Variants in SLC36A3 observed in about 807,000 individuals in gnomAD.
SLC36A3 encodes solute carrier family 36 member 3.
In SLC36A3, 35 loss-of-function variants were observed where a neutral mutation model predicts 44.3. That is an observed-to-expected ratio of 0.79 (90% CI 0.60 to 1.05). SLC36A3 has a LOEUF of 1.05. Ranked by LOEUF, SLC36A3 falls within the 50% of genes least tolerant of loss-of-function variation. The probability of loss-of-function intolerance (pLI) is 0.00; values close to 1 mark genes in which losing one functional copy is unlikely to be tolerated. For synonymous variants in SLC36A3, 211 were observed against 227.6 expected, an observed-to-expected ratio of 0.93 and a Z score of 0.66; for missense variants, 540 against 578.7, an observed-to-expected ratio of 0.93 and a Z score of 0.69.
chr5:151,277,386 C>G lies in SLC36A3; in HGVS notation c.*7G>C. ...GAAGGGAGAGCTATTAGAATAAAAACAGATAATTATGCATGGACACCTGTG... is the reference window on the plus strand; with the variant it reads ...GAAGGGAGAGCTATTAGAATAAAAAGAGATAATTATGCATGGACACCTGTG... On this transcript the variant is annotated 3_prime_UTR_variant, in exon 10 of 10. Transcript: ENST00000335230. 6.2e-7 allele frequency: 1 copy of G among 1,613,368 alleles called. No homozygotes were observed. The highest frequency in any genetic ancestry group is 8.5e-7 in the Non-Finnish European group (1 of 1,179,412).
At chr5:151,293,989 G>A (rs1754860383) in intron 3 of SLC36A3, among the ~76,000 whole-genome samples, 1 of 152,228 alleles carries the variant, frequency 6.6e-6, no homozygotes, top group Non-Finnish European at 1.5e-5. Flanking sequence ...AGCAGGCCCT[G>A]CTGCAGAAAC....
chr5:151,287,903 C>G (rs1488502961), intron 5 of SLC36A3, among the ~76,000 whole-genome samples: 1 of 152,166 alleles, frequency 6.6e-6, no homozygotes, highest in Non-Finnish European at 1.5e-5. Flanking sequence ...AATATTCCGT[C>G]TACAATACTT....
At chr5:151,280,916 C>A in intron 9 of SLC36A3, 98 bp downstream of exon 9, 2 of 1,480,488 alleles carry the variant, frequency 1.4e-6, no homozygotes, top group South Asian at 1.2e-5. Context: ...CCCTAGGTCA[C>A]AAAGAAGGCA....
chr5:151,281,097 A>C lies in SLC36A3; in HGVS notation c.1061T>G (p.Ile354Ser). 1 of 1,614,210 alleles carries C rather than the reference A, an allele frequency of 6.2e-7. No homozygotes were observed. Among genetic ancestry groups the C allele is most frequent in the Non-Finnish European group, 8.5e-7 (1 of 1,180,030 alleles). The change falls in exon 9 of 10, where the codon ATC (isoleucine) becomes AGC (serine). Residue 354 changes from isoleucine to serine, a missense_variant. By Grantham distance (142) the Ile-to-Ser change is moderately radical. Transcript: ENST00000335230. ...LQFHVPAEIIIPFAISQVSES... is the reference protein window; with the variant it reads ...LQFHVPAEIISPFAISQVSES... The stretch of plus-strand genomic sequence containing the variant: ...TGACACTTGGGAGATGGCAAACGGG[A>C]TGATGATCTCAGCTGGGACGTGGAA...
intron 2 of SLC36A3, chr5:151,297,139 T>C (rs1754986784): frequency 6.6e-6 from 1 of 152,224 alleles, no homozygotes; most frequent in Non-Finnish European, 1.5e-5. Flanking sequence ...TGCTTCTATA[T>C]TCCCAGGGGC....
At chr5:151,290,831 C>A (rs1416773454) in intron 4 of SLC36A3, among the ~76,000 whole-genome samples, 1 of 151,950 alleles carries the variant, frequency 6.6e-6, no homozygotes, top group Non-Finnish European at 1.5e-5. Context: ...GGAGGTGGAG[C>A]TTGCAGTGAG....
chr5:151,301,753 A>G (rs173493), intron 1 of SLC36A3, among the ~76,000 whole-genome samples: 106,399 of 150,148 alleles, frequency 0.71, 39,068 homozygotes, highest in East Asian at 0.98. Context: ...AAAAACCTCC[A>G]GTCTCTTGCA....
chr5:151,277,990 A>G (rs916422215), intron 9 of SLC36A3, among the ~76,000 whole-genome samples: 8 of 152,338 alleles, frequency 5.3e-5, no homozygotes, highest in African/African-American at 1.7e-4. Flanking sequence ...AAGGTCACAC[A>G]GAGCTGAGAT....
At chr5:151,302,747 T>A (rs10038654) in intron 1 of SLC36A3, among the ~76,000 whole-genome samples, 40,959 of 151,732 alleles carry the variant, frequency 0.27, 5,757 homozygotes, top group Admixed American at 0.39. Context: ...AAATTAAATT[T>A]AATTTAATTA....
chr5:151,296,813 C>T (rs1754976881), intron 2 of SLC36A3: 1 of 155,080 alleles, frequency 6.4e-6, no homozygotes, highest in Non-Finnish European at 1.4e-5. Flanking sequence ...ATTGTGGCAA[C>T]CAAAAATGTC....
At position 151,281,657 on chromosome 5, in the gene SLC36A3, A is replaced by C. The variant is rs1042111336; in HGVS notation, c.975-474T>G. 2.6e-5 allele frequency among the ~76,000 whole-genome samples: 4 copies of C among 152,190 alleles called. No homozygotes were observed. The East Asian group carries it at 7.7e-4, about 29-fold the overall frequency. On this transcript the variant is annotated intron_variant, in intron 8 of 9. Transcript: ENST00000335230. The stretch of plus-strand genomic sequence containing the variant: ...ATATGGTGAAAGCTCGTCTCTAATA[A>C]AAATACAAAAATTAGCTGGGCGTGG...
In SLC36A3 at chr5:151,276,708, G is replaced by A. The variant is rs1449620526; in HGVS notation, c.*685C>T. Reference sequence around the variant, plus strand: ...TACTACTTTCTATCCACATAGCAGGGTATGGAGTTTCAGTTACTCCACCTC... The same window carrying A: ...TACTACTTTCTATCCACATAGCAGGATATGGAGTTTCAGTTACTCCACCTC... On this transcript the variant is annotated 3_prime_UTR_variant, in exon 10 of 10. Transcript: ENST00000335230. 1 of 152,356 alleles carries A rather than the reference G, an allele frequency of 6.6e-6. No individual in the cohort carries two copies. Among genetic ancestry groups the A allele is most frequent in the Non-Finnish European group, 1.5e-5 (1 of 68,148 alleles). The allele number at this position is 152,356 out of a possible 1,614,324, so 9.4% of individuals were successfully genotyped here.
At chr5:151,285,603 C>T (rs1754507749) in intron 6 of SLC36A3, among the ~76,000 whole-genome samples, 1 of 152,154 alleles carries the variant, frequency 6.6e-6, no homozygotes, top group South Asian at 2.1e-4. Context: ...ATCCTAATCC[C>T]CAAAAGATGA....
chr5:151,298,096 G>C (rs564237260), intron 2 of SLC36A3: 1 of 153,104 alleles, frequency 6.5e-6, no homozygotes, highest in South Asian at 2.1e-4. Context: ...AAGTTTTAGA[G>C]AGGAGGCACT....
rs139688732 is a variant in SLC36A3, at chr5:151,281,067, C to A, written c.1091G>T (p.Ser364Ile). Residue 364 changes from serine (S) to isoleucine (I), a missense_variant, in exon 9 of 10, where the codon AGC becomes ATC. Transcript: ENST00000335230. Reference sequence around the variant, plus strand: ...AGACAGGTCTACAAACAGTGCCCAGCTCTCTGACACTTGGGAGATGGCAAA... The same window carrying A: ...AGACAGGTCTACAAACAGTGCCCAGATCTCTGACACTTGGGAGATGGCAAA... Reference protein sequence around the residue: ...IPFAISQVSESWALFVDLSVR... With the variant: ...IPFAISQVSEIWALFVDLSVR... 376 of 1,614,168 alleles carry A rather than the reference C, an allele frequency of 2.3e-4. 3 individuals carry two copies. In the East Asian group the frequency reaches 8.3e-3, roughly 36 times the overall value.
At chr5:151,300,576 T>C (rs1755135936) in intron 1 of SLC36A3, among the ~76,000 whole-genome samples, 1 of 152,200 alleles carries the variant, frequency 6.6e-6, no homozygotes, top group East Asian at 1.9e-4. Context: ...TTCTTTCCCA[T>C]GACAGCATCG....
intron 3 of SLC36A3, among the ~76,000 whole-genome samples, chr5:151,294,647 A>G (rs1286543101): frequency 6.7e-6 from 1 of 149,714 alleles, no homozygotes; most frequent in African/African-American, 2.5e-5. Flanking sequence ...TTTTTTTTTG[A>G]GACAGAGTTT....
intron 1 of SLC36A3, 134 bp downstream of exon 1, chr5:151,303,093 T>G: frequency 8.5e-7 from 1 of 1,170,638 alleles, no homozygotes; most frequent in Non-Finnish European, 1.1e-6. Flanking sequence ...ATTCTGAAGG[T>G]TTCATCTTTT....
At chr5:151,294,008 C>T (rs1323501516) in intron 3 of SLC36A3, among the ~76,000 whole-genome samples, 2 of 152,234 alleles carry the variant, frequency 1.3e-5, no homozygotes, top group Non-Finnish European at 2.9e-5. Flanking sequence ...ACACCTTTGG[C>T]TGGAGCAAGT....
Sources: gnomAD v4.1 joint callset for allele counts (sites outside exome capture counted in the v4.1 genomes callset) on GRCh38, gnomAD v4.1.1 for gene constraint, MANE v1.5 for transcripts, NCBI Gene and HGNC (gene_info 2026-07-23, HGNC 2026-07-21) for gene names.